The following EPHA6 variants were observed in gnomAD, a reference collection of about 807,000 sequenced individuals.
EPHA6 encodes EPH receptor A6, also known as ephrin type-A receptor 6.
Under a neutral mutation model 112.0 loss-of-function variants are expected in EPHA6, and 50 were observed. The ratio of observed to expected loss-of-function variants is 0.45; its 90% CI spans 0.36 to 0.56. EPHA6 has a LOEUF of 0.56. Ranked by LOEUF, EPHA6 falls within the 20% of genes least tolerant of loss-of-function variation. The probability of loss-of-function intolerance (pLI) is 0.00; values close to 1 mark genes in which losing one functional copy is unlikely to be tolerated. For synonymous variants in EPHA6, 529 were observed against 490.7 expected (o/e 1.08, Z -1.03); for missense variants, 1,280 against 1,417.4 (o/e 0.90, Z 1.56).
intron 3 of EPHA6, among the ~76,000 whole-genome samples, chr3:97,123,738 T>C (rs1212557405): frequency 2.6e-5 from 4 of 152,132 alleles, no homozygotes; most frequent in African/African-American, 7.2e-5. Context: ...AGAAACCAAT[T>C]GCTAAATTTT....
At chr3:97,239,433 C>T (rs2078778829) in intron 4 of EPHA6, among the ~76,000 whole-genome samples, 1 of 151,828 alleles carries the variant, frequency 6.6e-6, no homozygotes. Context: ...ACTTTTGGCT[C>T]ACCCCAAACT....
At chr3:96,897,241 CAT>C (rs1346674358) in intron 2 of EPHA6, among the ~76,000 whole-genome samples, 6 of 150,638 alleles carry the variant, frequency 4.0e-5, no homozygotes, top group Middle Eastern at 6.3e-3. Context: ...CACACACACA[CAT>C]ACTGTTTATC....
At chr3:97,641,969 G>A (rs2094010533) in intron 14 of EPHA6, among the ~76,000 whole-genome samples, 2 of 150,008 alleles carry the variant, frequency 1.3e-5, no homozygotes, top group Non-Finnish European at 3.0e-5. Flanking sequence ...GCCTCTGTAG[G>A]CTCCACCTCT....
chr3:97,392,107 T>A (rs566558566), intron 5 of EPHA6, among the ~76,000 whole-genome samples: 1 of 151,992 alleles, frequency 6.6e-6, no homozygotes, highest in East Asian at 1.9e-4. Flanking sequence ...TATATTACTT[T>A]ATAGTTACAG....
At chr3:97,696,442 C>T (rs1181157283) in intron 14 of EPHA6, among the ~76,000 whole-genome samples, 1 of 152,192 alleles carries the variant, frequency 6.6e-6, no homozygotes, top group African/African-American at 2.4e-5. Context: ...ACATTCTGTA[C>T]CTTTTAGTGC....
chr3:96,913,176 AC>A (rs2039306182), intron 2 of EPHA6, among the ~76,000 whole-genome samples: 1 of 128,584 alleles, frequency 7.8e-6, no homozygotes, highest in South Asian at 2.5e-4. Context: ...ACACACACAC[AC>A]ACACACACAC....
intron 5 of EPHA6, among the ~76,000 whole-genome samples, chr3:97,366,423 G>T (rs555719783): frequency 6.6e-6 from 1 of 152,258 alleles, no homozygotes. Context: ...AGCTATGGAA[G>T]ATTTAAGGTT....
chr3:97,401,148 A>G (rs539091217), intron 5 of EPHA6, among the ~76,000 whole-genome samples: 1 of 151,836 alleles, frequency 6.6e-6, no homozygotes, highest in Admixed American at 6.6e-5. Context: ...TTTTTATCAA[A>G]TGCTTTTTTT....
intron 5 of EPHA6, among the ~76,000 whole-genome samples, chr3:97,267,595 T>G (rs563011292): frequency 3.3e-5 from 5 of 152,186 alleles, no homozygotes; most frequent in Non-Finnish European, 5.9e-5. Context: ...TCTTTCCATT[T>G]TATATTTTAA....
intron 2 of EPHA6, among the ~76,000 whole-genome samples, chr3:96,984,428 G>C (rs111963639): frequency 6.6e-6 from 1 of 152,104 alleles, no homozygotes; most frequent in African/African-American, 2.4e-5. Flanking sequence ...CATCTCTGAG[G>C]GGTACCTGGC....
intron 11 of EPHA6, among the ~76,000 whole-genome samples, chr3:97,586,550 AAAAG>A (rs993081508): frequency 4.6e-5 from 7 of 152,224 alleles, no homozygotes; most frequent in African/African-American, 1.2e-4. Context: ...AACTAAAAAA[AAAAG>A]AGAGAGGCAT....
At chr3:97,676,475 G>A (rs2031389814) in intron 14 of EPHA6, among the ~76,000 whole-genome samples, 3 of 152,144 alleles carry the variant, frequency 2.0e-5, no homozygotes, top group Non-Finnish European at 4.4e-5. Flanking sequence ...ATGGAAAAAT[G>A]AGTGTATTCA....
At chr3:97,082,021 TTG>T (rs1385949999) in intron 3 of EPHA6, among the ~76,000 whole-genome samples, 4 of 151,834 alleles carry the variant, frequency 2.6e-5, no homozygotes, top group African/African-American at 4.8e-5. Context: ...ATTTTAAAAA[TTG>T]TCTTTGTTTT....
At chr3:97,337,692 A>G (rs1423830673) in intron 5 of EPHA6, among the ~76,000 whole-genome samples, 1 of 152,212 alleles carries the variant, frequency 6.6e-6, no homozygotes, top group African/African-American at 2.4e-5. Context: ...ATCTTGGATT[A>G]TAACTGGAAA....
At chr3:96,862,963 A>AT (rs988538292) in intron 1 of EPHA6, among the ~76,000 whole-genome samples, 49 of 152,074 alleles carry the variant, frequency 3.2e-4, no homozygotes, top group African/African-American at 6.3e-4. Context: ...TATGCTGAAA[A>AT]TTTTTTTCTA....
intron 14 of EPHA6, among the ~76,000 whole-genome samples, chr3:97,714,460 C>T (rs1228408559): frequency 6.6e-6 from 1 of 152,136 alleles, no homozygotes; most frequent in Non-Finnish European, 1.5e-5. Flanking sequence ...CAAAGTTTCC[C>T]TAAATTTGTA....
chr3:97,643,085 T>A (rs962538996), intron 14 of EPHA6, among the ~76,000 whole-genome samples: 52 of 152,244 alleles, frequency 3.4e-4, no homozygotes, highest in African/African-American at 1.2e-3. Flanking sequence ...CGACTAACAG[T>A]GGATCTCTCG....
chr3:97,303,745 C>T (rs2081193121), intron 5 of EPHA6, among the ~76,000 whole-genome samples: 1 of 151,884 alleles, frequency 6.6e-6, no homozygotes, highest in Middle Eastern at 3.4e-3. Flanking sequence ...AACTGGGGAG[C>T]CATTTAAAAA....
intron 3 of EPHA6, among the ~76,000 whole-genome samples, chr3:96,992,476 G>A (rs563841724): frequency 2.0e-5 from 3 of 152,252 alleles, no homozygotes; most frequent in Admixed American, 2.0e-4. Flanking sequence ...GTTATTTGGA[G>A]GTTTAACAGA....
Sources: gnomAD v4.1 joint callset for allele counts (sites outside exome capture counted in the v4.1 genomes callset) on GRCh38, gnomAD v4.1.1 for gene constraint, MANE v1.5 for transcripts, NCBI Gene and HGNC (gene_info 2026-07-23, HGNC 2026-07-21) for gene names.